RASEF: variants seen among roughly 807,000 people sequenced by gnomAD.
RASEF encodes the protein ras and EF-hand domain-containing protein.
Under a neutral mutation model 90.1 loss-of-function variants are expected in RASEF, and 68 were observed. The observed-to-expected ratio is 0.75, with a 90% CI of 0.62 to 0.92. The LOEUF is 0.92. RASEF is among the 40% of genes least tolerant of loss of function. The pLI is 0.00. For missense variants in RASEF, 949 were observed against 937.2 expected (o/e 1.01, Z -0.16); for synonymous variants, 331 against 345.2 (o/e 0.96, Z 0.46).
intron 16 of RASEF, among the ~76,000 whole-genome samples, chr9:82,989,012 G>A (rs1009672831): frequency 2.0e-5 from 3 of 152,192 alleles, no homozygotes; most frequent in Non-Finnish European, 2.9e-5. Context: ...GGAAATGTTC[G>A]AAGACTCTTG....
intron 1 of RASEF, among the ~76,000 whole-genome samples, chr9:83,058,140 T>C (rs1359262409): frequency 6.8e-6 from 1 of 147,034 alleles, no homozygotes; most frequent in Non-Finnish European, 1.5e-5. Flanking sequence ...CCTTCTCTCT[T>C]GCTCTCCGGC....
chr9:83,010,574 A>G (rs1217593168), intron 5 of RASEF, among the ~76,000 whole-genome samples: 1 of 152,180 alleles, frequency 6.6e-6, no homozygotes, highest in African/African-American at 2.4e-5. Context: ...GGTTGGAAAG[A>G]GAGATTAAAA....
At chr9:83,065,598 G>A (rs1057383533), upstream of RASEF, among the ~76,000 whole-genome samples, 2 of 152,108 alleles carry the variant, frequency 1.3e-5, no homozygotes, top group African/African-American at 4.8e-5. Flanking sequence ...AAAAAAACAG[G>A]GATACAGAGA....
the RASEF span, among the ~76,000 whole-genome samples, chr9:83,174,589 C>T: frequency 2.6e-4 from 40 of 152,072 alleles, no homozygotes; most frequent in African/African-American, 9.7e-4. Context: ...AGTTCTCCAA[C>T]TTTGTTATTC....
the RASEF span, among the ~76,000 whole-genome samples, chr9:83,121,093 G>A: frequency 6.6e-6 from 1 of 152,076 alleles, no homozygotes; most frequent in African/African-American, 2.4e-5. Context: ...TATATAATTT[G>A]TAGTTATTTC....
chr9:83,109,865 G>T, the RASEF span, among the ~76,000 whole-genome samples: 1 of 152,044 alleles, frequency 6.6e-6, no homozygotes, highest in Admixed American at 6.6e-5. Flanking sequence ...ACAGTTGAAA[G>T]GTTTTATGGA....
the RASEF span, among the ~76,000 whole-genome samples, chr9:83,134,410 G>GCACA: frequency 0.021 from 2,979 of 138,980 alleles, 51 homozygotes; most frequent in East Asian, 0.033. Flanking sequence ...TCACAATAGC[G>GCACA]CACACACACA....
In RASEF at chr9:82,998,381, T is replaced by C. The variant is rs1474916926; in HGVS notation, c.1789A>G (p.Thr597Ala). 1.2e-6 allele frequency: 2 copies of C among 1,611,912 alleles called. No homozygotes were observed. Among genetic ancestry groups the C allele is most frequent in the East Asian group, 2.2e-5 (1 of 44,876 alleles). The stretch of plus-strand genomic sequence containing the variant: ...TGCACTTGCCTCTCCTGACCAGCTG[T>C]ATCCCAGAGCTGCAGAACTGTTCGT... ...GERTVLQLWD[T>A]AGQERFRSIA... The change falls in exon 13 of 17, where the codon ACA (threonine) becomes GCA (alanine). Residue 597 changes from threonine to alanine, a missense_variant. Transcript: ENST00000376447.
chr9:83,131,927 C>T, the RASEF span, among the ~76,000 whole-genome samples: 1 of 152,032 alleles, frequency 6.6e-6, no homozygotes. Context: ...TAATAATGGT[C>T]TAAAACAACA....
the RASEF span, among the ~76,000 whole-genome samples, chr9:83,154,172 A>G: frequency 5.8e-3 from 883 of 152,286 alleles, 8 homozygotes; most frequent in African/African-American, 0.02. Flanking sequence ...CTTTGCATCA[A>G]TGGGGTTCAG....
upstream of RASEF, among the ~76,000 whole-genome samples, chr9:83,068,162 A>C (rs1023551765): frequency 2.0e-5 from 3 of 152,248 alleles, no homozygotes; most frequent in Non-Finnish European, 4.4e-5. Context: ...GTGAGCCGCC[A>C]TACCTGGTCG....
At chr9:83,043,463 T>A (rs1049758385) in intron 1 of RASEF, among the ~76,000 whole-genome samples, 27 of 152,336 alleles carry the variant, frequency 1.8e-4, no homozygotes, top group African/African-American at 6.3e-4. Context: ...GCATTCTGAT[T>A]TATTCAAGCA....
intron 3 of RASEF, among the ~76,000 whole-genome samples, chr9:83,017,331 A>AG: frequency 6.6e-6 from 1 of 151,276 alleles, no homozygotes; most frequent in East Asian, 1.9e-4. Context: ...TAAAAAAAAA[A>AG]AAAAAAAAAA....
At chr9:83,206,614 G>A in the RASEF span, among the ~76,000 whole-genome samples, 3 of 152,148 alleles carry the variant, frequency 2.0e-5, no homozygotes, top group South Asian at 2.1e-4. Context: ...TACAGTATAC[G>A]CTATATGCTG....
the RASEF span, among the ~76,000 whole-genome samples, chr9:83,142,216 C>T: frequency 2.6e-5 from 4 of 152,176 alleles, no homozygotes; most frequent in African/African-American, 9.7e-5. Context: ...AAAACAATCA[C>T]ACTGAAATCA....
At chr9:83,044,211 A>G (rs1016503207) in intron 1 of RASEF, among the ~76,000 whole-genome samples, 4 of 152,180 alleles carry the variant, frequency 2.6e-5, no homozygotes, top group African/African-American at 9.7e-5. Flanking sequence ...ATCTGCAGAA[A>G]GGAGGGAAGG....
chr9:83,144,371 G>GA, the RASEF span, among the ~76,000 whole-genome samples: 13 of 27,978 alleles, frequency 4.6e-4, no homozygotes, highest in Non-Finnish European at 7.6e-4. Flanking sequence ...AAGAAAGAAA[G>GA]AAAGAAAGAA....
At chr9:83,122,226 G>A in the RASEF span, among the ~76,000 whole-genome samples, 4 of 152,116 alleles carry the variant, frequency 2.6e-5, no homozygotes, top group Non-Finnish European at 5.9e-5. Context: ...CATGGAACAG[G>A]ACCTTGTCCC....
At chr9:83,056,854 G>A (rs1371175333) in intron 1 of RASEF, among the ~76,000 whole-genome samples, 1 of 152,164 alleles carries the variant, frequency 6.6e-6, no homozygotes, top group Non-Finnish European at 1.5e-5. Flanking sequence ...CAAATTCTGA[G>A]AGCAAAGCTC....
Sources: allele counts gnomAD v4.1 joint callset (sites outside exome capture counted in the v4.1 genomes callset), GRCh38; gene constraint gnomAD v4.1.1; transcripts MANE v1.5; gene names NCBI Gene and HGNC (gene_info 2026-07-23, HGNC 2026-07-21).